CNTN4: variants seen among roughly 807,000 people sequenced by gnomAD.
CNTN4 encodes the protein contactin 4.
In CNTN4, 77 loss-of-function variants were observed where a neutral mutation model predicts 122.5. That is an observed-to-expected ratio of 0.63 (90% CI 0.52 to 0.76). The LOEUF (loss-of-function observed/expected upper bound fraction) is 0.76. Ranked by LOEUF, CNTN4 falls within the 30% of genes least tolerant of loss-of-function variation. CNTN4 has a pLI of 0.00. For missense variants in CNTN4, 1,256 were observed against 1,259.1 expected (o/e 1.00, Z 0.04); for synonymous variants, 512 against 447.0 (o/e 1.15, Z -1.83).
intron 2 of CNTN4, among the ~76,000 whole-genome samples, chr3:2,281,988 T>C (rs910768507): frequency 2.0e-5 from 3 of 152,162 alleles, no homozygotes; most frequent in African/African-American, 7.2e-5. Context: ...ATAGCCACTC[T>C]TTTTTGCTTT....
rs375803200 is a variant in CNTN4 at position 2,706,606 on chromosome 3, A to G, written c.56-29609A>G. ...TATTTCATCGCAAATGAAAAATGCA[A>G]CAGTTTGTTTCTCGGGTGAGCTACC... On this transcript the variant is annotated intron_variant, in intron 4 of 24. Coordinates refer to ENST00000418658, the MANE Select transcript of CNTN4 (RefSeq NM_175607.3). Among the ~76,000 whole-genome samples, 5 of 152,204 alleles carry G rather than the reference A, an allele frequency of 3.3e-5. No individual in the cohort carries two copies. In the East Asian group the frequency reaches 7.7e-4, roughly 23 times the overall value.
chr3:2,914,267 C>G (rs1029555404), intron 12 of CNTN4, among the ~76,000 whole-genome samples: 5 of 151,708 alleles, frequency 3.3e-5, no homozygotes, highest in Non-Finnish European at 7.4e-5. Flanking sequence ...ATTTTAAAAA[C>G]TGAAAAATCA....
At chr3:2,113,722 G>T (rs962963787) in intron 2 of CNTN4, among the ~76,000 whole-genome samples, 10 of 152,130 alleles carry the variant, frequency 6.6e-5, no homozygotes, top group African/African-American at 2.4e-4. Flanking sequence ...CAAAAATATG[G>T]GTAGAATATA....
intron 4 of CNTN4, among the ~76,000 whole-genome samples, chr3:2,638,492 C>CTT (rs774528445): frequency 6.8e-6 from 1 of 147,344 alleles, no homozygotes; most frequent in African/African-American, 2.5e-5. Flanking sequence ...AAACATTTAT[C>CTT]TTTTTTTTTT....
chr3:2,762,976 G>C (rs6787490), intron 6 of CNTN4, among the ~76,000 whole-genome samples: 93,654 of 135,128 alleles, frequency 0.69, 33,855 homozygotes, highest in Non-Finnish European at 0.8. Flanking sequence ...GAGTCTCGCT[G>C]TGTCGCGCAG....
intron 3 of CNTN4, among the ~76,000 whole-genome samples, chr3:2,476,172 T>C (rs973400346): frequency 1.4e-4 from 22 of 152,216 alleles, no homozygotes; most frequent in African/African-American, 4.8e-4. Flanking sequence ...GCAGCAACTT[T>C]AATGGTATCC....
At position 2,490,080 on chromosome 3, in the gene CNTN4, G is replaced by GA. The variant is rs754660502; in HGVS notation, c.-88-81323dup. ...AGAATTATTATCTCTACCAGGAAAG[G>GA]AAAAAAAAAAAAACCTCTCAAGTAA... is the stretch of plus-strand genomic sequence containing the variant. On this transcript the variant is annotated intron_variant, in intron 3 of 24. Transcript: ENST00000418658. Among the ~76,000 whole-genome samples the GA allele has an allele frequency of 3.7e-3, 482 of 129,836 alleles. 1 individual carries two copies. The highest frequency in any genetic ancestry group is 9.4e-3 in the African/African-American group (334 of 35,512). The allele number at this position is 129,836 out of a possible 152,430, so 85.2% of individuals were successfully genotyped here.
At chr3:2,545,247 T>C (rs905866499) in intron 3 of CNTN4, among the ~76,000 whole-genome samples, 7 of 151,978 alleles carry the variant, frequency 4.6e-5, no homozygotes, top group Admixed American at 1.3e-4. Context: ...AATTTTGAGT[T>C]TTTTGCATTT....
At chr3:2,261,022 C>T (rs1215463213) in intron 2 of CNTN4, among the ~76,000 whole-genome samples, 1 of 152,138 alleles carries the variant, frequency 6.6e-6, no homozygotes, top group Non-Finnish European at 1.5e-5. Flanking sequence ...TGAGACACTG[C>T]AGCCGGCCTA....
chr3:3,036,223 T>C (rs1699591554), intron 17 of CNTN4, among the ~76,000 whole-genome samples: 1 of 152,220 alleles, frequency 6.6e-6, no homozygotes, highest in Non-Finnish European at 1.5e-5. Flanking sequence ...ATGCCCAGTG[T>C]TGAGCAATTC....
intron 2 of CNTN4, among the ~76,000 whole-genome samples, chr3:2,287,344 G>A (rs1039165344): frequency 1.3e-5 from 2 of 152,060 alleles, no homozygotes; most frequent in African/African-American, 4.8e-5. Flanking sequence ...GTGCACGCCT[G>A]TTATCCTAAC....
chr3:2,426,569 A>G (rs544599622), intron 3 of CNTN4, among the ~76,000 whole-genome samples: 2 of 152,064 alleles, frequency 1.3e-5, no homozygotes, highest in Non-Finnish European at 2.9e-5. Context: ...TGGTATCAGG[A>G]TGATGCTGGC....
chr3:2,169,362 A>G (rs1287112657), intron 2 of CNTN4, among the ~76,000 whole-genome samples: 1 of 152,198 alleles, frequency 6.6e-6, no homozygotes, highest in African/African-American at 2.4e-5. Flanking sequence ...GATGAAATCA[A>G]ATCGACATTC....
intron 23 of CNTN4, among the ~76,000 whole-genome samples, chr3:3,048,516 CTGTGTGTG>C (rs765657967): frequency 3.0e-4 from 34 of 112,800 alleles, no homozygotes; most frequent in African/African-American, 2.9e-4. Flanking sequence ...CTCTCTCTCT[CTGTGTGTG>C]TGTGTGTGTG....
chr3:2,758,652 G>A (rs1200041479), intron 6 of CNTN4, among the ~76,000 whole-genome samples: 3 of 150,966 alleles, frequency 2.0e-5, no homozygotes, highest in African/African-American at 4.9e-5. Flanking sequence ...GATTACAGGC[G>A]CACATCACCA....
chr3:2,290,562 A>AG (rs1465513487), intron 2 of CNTN4, among the ~76,000 whole-genome samples: 1 of 152,224 alleles, frequency 6.6e-6, no homozygotes, highest in African/African-American at 2.4e-5. Flanking sequence ...TGAAAAAATG[A>AG]GGGGTCCATT....
chr3:2,532,536 A>C (rs1335736659), intron 3 of CNTN4, among the ~76,000 whole-genome samples: 2 of 152,174 alleles, frequency 1.3e-5, no homozygotes, highest in African/African-American at 4.8e-5. Flanking sequence ...TCAAAATTGT[A>C]AGTAGAAGTT....
At chr3:2,278,182 T>A (rs970357781) in intron 2 of CNTN4, among the ~76,000 whole-genome samples, 1 of 152,124 alleles carries the variant, frequency 6.6e-6, no homozygotes, top group Non-Finnish European at 1.5e-5. Context: ...AGGCAAAAAC[T>A]TTCCTCCAAA....
At chr3:2,363,499 TTA>T (rs2045246347) in intron 3 of CNTN4, among the ~76,000 whole-genome samples, 2 of 152,180 alleles carry the variant, frequency 1.3e-5, no homozygotes, top group South Asian at 2.1e-4. Flanking sequence ...GCTAGGTCAT[TTA>T]TATGTCTCAT....
Sources: gnomAD v4.1 joint callset for allele counts (sites outside exome capture counted in the v4.1 genomes callset) on GRCh38, gnomAD v4.1.1 for gene constraint, MANE v1.5 for transcripts, NCBI Gene and HGNC (gene_info 2026-07-23, HGNC 2026-07-21) for gene names.